MAP2: variants seen among roughly 807,000 people sequenced by gnomAD.
The protein encoded by MAP2 is microtubule-associated protein 2.
MAP2 carries 14 observed loss-of-function variants against 137.6 expected under a neutral mutation model. The observed-to-expected ratio is 0.10, with a 90% confidence interval of 0.07 to 0.16. The LOEUF (loss-of-function observed/expected upper bound fraction) is 0.16, where lower values mean the gene tolerates loss of function less well. MAP2 is among the 10% of genes least tolerant of loss of function. The pLI is 1.00. For missense variants in MAP2, 2,088 were observed against 2,191.5 expected (o/e 0.95, Z 0.94); for synonymous variants, 786 against 782.3 (o/e 1.00, Z -0.08).
chr2:209,596,443 C>T (rs1274714834), intron 3 of MAP2, among the ~76,000 whole-genome samples: 1 of 152,116 alleles, frequency 6.6e-6, no homozygotes, highest in Non-Finnish European at 1.5e-5. Flanking sequence ...TACATTCTAA[C>T]GTTGACTATT....
intron 7 of MAP2, among the ~76,000 whole-genome samples, chr2:209,689,284 G>A (rs546965882): frequency 4.8e-4 from 71 of 148,716 alleles, no homozygotes; most frequent in African/African-American, 1.7e-3. Context: ...TAAATGTGAA[G>A]AGATTGATAA....
At chr2:209,709,768 C>T in intron 12 of MAP2, 146 bp from the exon 13 acceptor site, 1 of 584,696 alleles carries the variant, frequency 1.7e-6, no homozygotes, top group Non-Finnish European at 2.9e-6. Context: ...ACGAGACTCT[C>T]AGCTTCTTGA....
chr2:209,661,711 G>A, intron 5 of MAP2: 6 of 984,658 alleles, frequency 6.1e-6, no homozygotes, highest in Non-Finnish European at 7.2e-6. Context: ...TGTCCTATGT[G>A]GTCTCTCTAC....
intron 2 of MAP2, among the ~76,000 whole-genome samples, chr2:209,551,280 G>A (rs2069119804): frequency 6.6e-6 from 1 of 152,164 alleles, no homozygotes; most frequent in South Asian, 2.1e-4. Flanking sequence ...AAGAAAAAGT[G>A]TGGTCTTGAT....
chr2:209,615,456 C>A (rs939125904), intron 3 of MAP2, among the ~76,000 whole-genome samples: 1 of 152,138 alleles, frequency 6.6e-6, no homozygotes, highest in Non-Finnish European at 1.5e-5. Flanking sequence ...AAGTTAATAC[C>A]TAGTTTCTTC....
rs553555329 is a variant in MAP2, at chr2:209,475,227, A to G, written c.-221-32365A>G. On this transcript the variant is annotated intron_variant, in intron 1 of 15. Coordinates refer to ENST00000682079, the MANE Select transcript of MAP2 (RefSeq NM_001375505.1). ...ACGTACACAAATCACAAGTCAGTGA[A>G]TGTAAAACCATCTTCTGATCAGTTC... 3.9e-5 allele frequency among the ~76,000 whole-genome samples: 6 copies of G among 152,228 alleles called. No homozygotes were observed. The East Asian group carries it at 1.2e-3, about 29-fold the overall frequency.
intron 2 of MAP2, among the ~76,000 whole-genome samples, chr2:209,570,366 AC>A (rs2074192539): frequency 6.6e-6 from 1 of 151,842 alleles, no homozygotes; most frequent in Non-Finnish European, 1.5e-5. Context: ...TTTCTGCTCT[AC>A]CACTTACCAG....
chr2:209,581,487 A>T (rs1487719659), intron 3 of MAP2, among the ~76,000 whole-genome samples: 1 of 152,192 alleles, frequency 6.6e-6, no homozygotes, highest in Admixed American at 6.5e-5. Context: ...TCGTGTATGA[A>T]ATCCCCCAAA....
intron 1 of MAP2, among the ~76,000 whole-genome samples, chr2:209,474,157 G>T (rs1706557482): frequency 6.6e-6 from 1 of 152,158 alleles, no homozygotes; most frequent in African/African-American, 2.4e-5. Flanking sequence ...TGAGATATGG[G>T]CATACTGCCA....
intron 4 of MAP2, among the ~76,000 whole-genome samples, chr2:209,626,903 T>A (rs1253390763): frequency 6.6e-6 from 1 of 152,186 alleles, no homozygotes; most frequent in Non-Finnish European, 1.5e-5. Flanking sequence ...TAAGCATGGC[T>A]TGCAAAACTT....
At chr2:209,723,644 G>A in intron 13 of MAP2, 1 of 1,614,094 alleles carries the variant, frequency 6.2e-7, no homozygotes, top group Non-Finnish European at 8.5e-7. Context: ...CAGTCCAGAT[G>A]TGGTTCCAAG....
At chr2:209,678,718 G>A in intron 6 of MAP2, 33 bp downstream of exon 6, 1 of 1,312,030 alleles carries the variant, frequency 7.6e-7, no homozygotes, top group Admixed American at 2.0e-5. Context: ...CAGGGACTGT[G>A]TCTGTTGCAC....
At chr2:209,445,770 G>A (rs1393442369) in intron 1 of MAP2, among the ~76,000 whole-genome samples, 2 of 151,630 alleles carry the variant, frequency 1.3e-5, no homozygotes, top group Non-Finnish European at 3.0e-5. Flanking sequence ...ACTCATAATA[G>A]CAATTTGCAT....
chr2:209,709,819 A>C, intron 12 of MAP2, 95 bp from the exon 13 acceptor site: 1 of 847,544 alleles, frequency 1.2e-6, no homozygotes, highest in South Asian at 1.7e-5. Context: ...TTAGAAATTA[A>C]ACGTATTATG....
At chr2:209,668,535 G>A (rs59059785) in intron 5 of MAP2, among the ~76,000 whole-genome samples, 1,853 of 151,848 alleles carry the variant, frequency 0.012, 45 homozygotes, top group African/African-American at 0.042. Context: ...AAAAGAAATC[G>A]TCTTTATTCT....
chr2:209,643,532 G>T (rs1204310869), intron 4 of MAP2, among the ~76,000 whole-genome samples: 2 of 152,094 alleles, frequency 1.3e-5, no homozygotes, highest in African/African-American at 4.8e-5. Context: ...CCTCCAAAAT[G>T]ATCTAATGGT....
At chr2:209,589,872 G>A (rs986108718) in intron 3 of MAP2, among the ~76,000 whole-genome samples, 1 of 152,176 alleles carries the variant, frequency 6.6e-6, no homozygotes, top group Admixed American at 6.5e-5. Flanking sequence ...CATAGGCATT[G>A]TGATTTGCCT....
At chr2:209,673,110 T>C (rs182974319) in intron 5 of MAP2, among the ~76,000 whole-genome samples, 2 of 151,986 alleles carry the variant, frequency 1.3e-5, no homozygotes, top group Admixed American at 1.3e-4. Flanking sequence ...ATAGTGGTGA[T>C]CTGCTATCAT....
chr2:209,670,799 A>G (rs917825135), intron 5 of MAP2, among the ~76,000 whole-genome samples: 3 of 151,950 alleles, frequency 2.0e-5, no homozygotes, highest in African/African-American at 7.2e-5. Flanking sequence ...ATCAGTCAAA[A>G]TTTGTGGCCA....
Sources: gnomAD v4.1 joint callset for allele counts (sites outside exome capture counted in the v4.1 genomes callset) on GRCh38, gnomAD v4.1.1 for gene constraint, MANE v1.5 for transcripts, NCBI Gene and HGNC (gene_info 2026-07-23, HGNC 2026-07-21) for gene names.